GLI2: variants seen among roughly 807,000 people sequenced by gnomAD.
The protein encoded by GLI2 is GLI family zinc finger 2.
A neutral mutation model predicts 78.9 loss-of-function variants in GLI2; 22 were observed. The ratio of observed to expected loss-of-function variants is 0.28; its 90% CI spans 0.20 to 0.40. The LOEUF (loss-of-function observed/expected upper bound fraction) is 0.40, where lower values mean the gene tolerates loss of function less well. Ranked by LOEUF, GLI2 falls within the 10% of genes least tolerant of loss-of-function variation. The pLI, the probability that GLI2 is intolerant of heterozygous loss-of-function variation, is 1.00. For missense variants in GLI2, 2,097 were observed against 2,213.2 expected (o/e 0.95, Z 1.05); for synonymous variants, 974 against 963.7 (o/e 1.01, Z -0.20).
At chr2:120,960,712 AG>A (rs1008149640) in intron 5 of GLI2, among the ~76,000 whole-genome samples, 1 of 152,200 alleles carries the variant, frequency 6.6e-6, no homozygotes, top group Non-Finnish European at 1.5e-5. Context: ...GGTGGAAGAA[AG>A]GCCAGAAGCT....
intron 2 of GLI2, among the ~76,000 whole-genome samples, chr2:120,897,440 C>A (rs1050906753): frequency 3.3e-5 from 5 of 152,192 alleles, no homozygotes; most frequent in Non-Finnish European, 7.3e-5. Flanking sequence ...TCTCCACTTA[C>A]AATGGCTCGA....
chr2:120,962,297 G>C (rs1273819899), intron 5 of GLI2, among the ~76,000 whole-genome samples: 2 of 152,192 alleles, frequency 1.3e-5, no homozygotes, highest in African/African-American at 4.8e-5. Flanking sequence ...GGATTCTCTA[G>C]AATAATTCTG....
At chr2:120,869,378 T>G (rs1296451769) in intron 2 of GLI2, among the ~76,000 whole-genome samples, 1 of 152,206 alleles carries the variant, frequency 6.6e-6, no homozygotes, top group Non-Finnish European at 1.5e-5. Context: ...GATCCCCACC[T>G]TCCAAACAAT....
At chr2:120,891,060 G>A (rs1677656851) in intron 2 of GLI2, among the ~76,000 whole-genome samples, 1 of 152,206 alleles carries the variant, frequency 6.6e-6, no homozygotes, top group African/African-American at 2.4e-5. Flanking sequence ...GACCCACTGG[G>A]CACCAGACGT....
rs183205910 is a variant in GLI2, at chr2:120,771,111, G to C, written c.-30-26180G>C. Among the ~76,000 whole-genome samples, 78 of 152,320 alleles carry C rather than the reference G, an allele frequency of 5.1e-4. 1 individual carries two copies. Among genetic ancestry groups the C allele is most frequent in the African/African-American group, 1.8e-3 (74 of 41,570 alleles). On this transcript the variant is annotated intron_variant, in intron 1 of 13. Transcript: ENST00000361492. ...AAAGGCAGCCATGGATACCACCCTG[G>C]GGTACGTTGGTGGGCTCTGCCTGTG... is the stretch of plus-strand genomic sequence containing the variant.
At chr2:120,962,433 T>G (rs896550604) in intron 5 of GLI2, among the ~76,000 whole-genome samples, 3 of 152,128 alleles carry the variant, frequency 2.0e-5, no homozygotes, top group African/African-American at 7.2e-5. Flanking sequence ...TGATGTCCAA[T>G]CAATGCCTGG....
rs901244187 is a variant in GLI2, at chr2:120,737,254, G to A, written c.-31+969G>A. On this transcript the variant is annotated intron_variant, in intron 1 of 13. Transcript: ENST00000361492. The surrounding 1 kb of genome is among the most constrained non-coding windows in gnomAD (Gnocchi z 4.3). Reference sequence around the variant, plus strand: ...TGAGTGTGAGCGCGCCCGCCGCGCTGGAGAGCTGGGAGTCCACCCAGCTCG... The same window carrying A: ...TGAGTGTGAGCGCGCCCGCCGCGCTAGAGAGCTGGGAGTCCACCCAGCTCG... Among the ~76,000 whole-genome samples the A allele has an allele frequency of 1.3e-5, 2 of 152,024 alleles. No homozygotes were observed. The highest frequency in any genetic ancestry group is 6.5e-5 in the Admixed American group (1 of 15,270).
At chr2:120,872,832 A>G (rs147542316) in intron 2 of GLI2, among the ~76,000 whole-genome samples, 300 of 152,352 alleles carry the variant, frequency 2.0e-3, no homozygotes, top group African/African-American at 6.8e-3. Flanking sequence ...AAGGGCTCAG[A>G]TATGTCACTT....
intron 2 of GLI2, among the ~76,000 whole-genome samples, chr2:120,911,929 T>A (rs1678842422): frequency 6.6e-6 from 1 of 152,104 alleles, no homozygotes; most frequent in African/African-American, 2.4e-5. Context: ...TGGGGCAGGA[T>A]CTGGAGGTCC....
At chr2:120,857,398 C>T (rs1229606315) in intron 2 of GLI2, among the ~76,000 whole-genome samples, 1 of 122,724 alleles carries the variant, frequency 8.1e-6, no homozygotes, top group Non-Finnish European at 1.7e-5. Flanking sequence ...CCCACCCACC[C>T]ACCCACCTAC....
chr2:120,750,819 G>A (rs1480951726), intron 1 of GLI2, among the ~76,000 whole-genome samples: 5 of 152,224 alleles, frequency 3.3e-5, no homozygotes, highest in African/African-American at 1.2e-4. Flanking sequence ...GGCCAGGAAA[G>A]GGGTCCGATG....
chr2:120,777,526 G>A (rs1200312465), intron 1 of GLI2, among the ~76,000 whole-genome samples: 2 of 151,890 alleles, frequency 1.3e-5, no homozygotes, highest in African/African-American at 4.8e-5. Flanking sequence ...AGGGAGGGGC[G>A]CGGCAGGCAG....
intron 3 of GLI2, among the ~76,000 whole-genome samples, chr2:120,931,197 G>A (rs1392001291): frequency 1.3e-5 from 2 of 152,246 alleles, no homozygotes; most frequent in Non-Finnish European, 2.9e-5. Context: ...GGCAGGGCTG[G>A]TTCCTTCTGG....
chr2:120,761,539 G>A (rs1344635507), intron 1 of GLI2, among the ~76,000 whole-genome samples: 1 of 152,228 alleles, frequency 6.6e-6, no homozygotes, highest in Admixed American at 6.5e-5. Context: ...CCCAGAGGGG[G>A]TGTGTGTGCA....
intron 11 of GLI2, among the ~76,000 whole-genome samples, chr2:120,983,260 C>T (rs1682801290): frequency 6.6e-6 from 1 of 152,100 alleles, no homozygotes; most frequent in African/African-American, 2.4e-5. Context: ...TGCATCTGCT[C>T]CCTATTACTT....
chr2:120,841,477 C>T (rs547448901), intron 2 of GLI2, among the ~76,000 whole-genome samples: 3 of 152,346 alleles, frequency 2.0e-5, no homozygotes, highest in Non-Finnish European at 4.4e-5. Context: ...ACATCCTTAT[C>T]AGTGAACTGC....
intron 2 of GLI2, among the ~76,000 whole-genome samples, chr2:120,868,803 C>T (rs372382388): frequency 1.1e-4 from 16 of 152,278 alleles, no homozygotes; most frequent in African/African-American, 3.9e-4. Flanking sequence ...CCCTTCTGTG[C>T]ATTTTGTGGG....
chr2:120,837,132 C>G (rs183743290), intron 2 of GLI2, among the ~76,000 whole-genome samples: 1 of 152,142 alleles, frequency 6.6e-6, no homozygotes, highest in African/African-American at 2.4e-5. Flanking sequence ...CGGTGGCTCA[C>G]GCCTGTAATC....
chr2:120,865,716 C>T (rs1242095724), intron 2 of GLI2, among the ~76,000 whole-genome samples: 1 of 152,234 alleles, frequency 6.6e-6, no homozygotes, highest in East Asian at 1.9e-4. Flanking sequence ...CCCATCCCTG[C>T]CATCCCAGGA....
Sources: gnomAD v4.1 joint callset for allele counts (sites outside exome capture counted in the v4.1 genomes callset) on GRCh38, gnomAD v4.1.1 for gene constraint, Gnocchi (gnomAD v3.1) non-coding constraint, MANE v1.5 for transcripts, NCBI Gene and HGNC (gene_info 2026-07-23, HGNC 2026-07-21) for gene names.